The following NKAIN2 variants were observed in gnomAD, a reference collection of about 807,000 sequenced individuals.
NKAIN2 encodes the protein sodium/potassium transporting ATPase interacting 2, also known as sodium/potassium-transporting ATPase subunit beta-1-interacting protein 2.
A neutral mutation model predicts 32.6 loss-of-function variants in NKAIN2; 14 were observed. The observed-to-expected ratio is 0.43, with a 90% CI of 0.28 to 0.67. NKAIN2 has a LOEUF of 0.67. NKAIN2 is among the 30% of genes least tolerant of loss of function. NKAIN2 has a pLI of 0.17. For missense variants in NKAIN2, 198 were observed against 258.3 expected (o/e 0.77, Z 1.60); for synonymous variants, 80 against 87.2 (o/e 0.92, Z 0.46).
intron 1 of NKAIN2, among the ~76,000 whole-genome samples, chr6:124,204,702 G>A (rs1009096295): frequency 1.3e-5 from 2 of 151,678 alleles, no homozygotes; most frequent in African/African-American, 4.8e-5. Flanking sequence ...AATTGTTCAT[G>A]ATTAGATTGC....
chr6:124,618,743 A>T (rs1482252133), intron 3 of NKAIN2, among the ~76,000 whole-genome samples: 1 of 152,204 alleles, frequency 6.6e-6, no homozygotes, highest in Non-Finnish European at 1.5e-5. Flanking sequence ...TTCATAGATT[A>T]TTTTAATGCC....
At chr6:123,848,269 G>C (rs1188393406) in intron 1 of NKAIN2, among the ~76,000 whole-genome samples, 2 of 152,176 alleles carry the variant, frequency 1.3e-5, no homozygotes, top group Non-Finnish European at 2.9e-5. Context: ...AGAATCTGTA[G>C]ACCACTGCCA....
chr6:124,677,968 C>T (rs1773441704), intron 4 of NKAIN2, among the ~76,000 whole-genome samples: 1 of 151,958 alleles, frequency 6.6e-6, no homozygotes, highest in South Asian at 2.1e-4. Context: ...TTTTGAATGA[C>T]AGTTTTGTCA....
chr6:124,408,514 C>T (rs1483385502), intron 3 of NKAIN2, among the ~76,000 whole-genome samples: 20 of 151,988 alleles, frequency 1.3e-4, no homozygotes, highest in East Asian at 3.9e-4. Context: ...TGTAGATATG[C>T]GGCATTATTT....
intron 1 of NKAIN2, among the ~76,000 whole-genome samples, chr6:123,894,071 G>C (rs926250920): frequency 6.6e-6 from 1 of 152,164 alleles, no homozygotes; most frequent in African/African-American, 2.4e-5. Flanking sequence ...AATTAAAAGT[G>C]TTAATGTGTT....
intron 3 of NKAIN2, among the ~76,000 whole-genome samples, chr6:124,483,109 CTG>C (rs1433382898): frequency 2.0e-5 from 3 of 151,248 alleles, no homozygotes; most frequent in Non-Finnish European, 4.4e-5. Context: ...ACGACAGAGA[CTG>C]TGTTTCAAAA....
chr6:124,496,498 G>C (rs1282251374), intron 3 of NKAIN2, among the ~76,000 whole-genome samples: 3 of 152,138 alleles, frequency 2.0e-5, no homozygotes, highest in African/African-American at 7.2e-5. Flanking sequence ...GCAAGGTAGA[G>C]AGGCATAAGT....
chr6:124,407,241 A>G (rs1773902385), intron 3 of NKAIN2, among the ~76,000 whole-genome samples: 2 of 152,072 alleles, frequency 1.3e-5, no homozygotes, highest in South Asian at 4.1e-4. Context: ...CATGTGCACA[A>G]CATGCAGGTT....
chr6:124,565,571 C>T (rs1485935071), intron 3 of NKAIN2, among the ~76,000 whole-genome samples: 2 of 152,126 alleles, frequency 1.3e-5, no homozygotes, highest in East Asian at 3.9e-4. Flanking sequence ...GATTCACTTT[C>T]CCCCTGATTC....
chr6:123,994,555 CT>C (rs1419162622), intron 1 of NKAIN2, among the ~76,000 whole-genome samples: 1 of 152,076 alleles, frequency 6.6e-6, no homozygotes, highest in Non-Finnish European at 1.5e-5. Flanking sequence ...AGTCTCTCCC[CT>C]TCTTCAAGTG....
intron 4 of NKAIN2, among the ~76,000 whole-genome samples, chr6:124,752,641 C>G (rs1777777013): frequency 6.6e-6 from 1 of 151,892 alleles, no homozygotes; most frequent in Admixed American, 6.6e-5. Flanking sequence ...CCACAATTAT[C>G]TGGTTATTAT....
chr6:124,767,418 G>T (rs1778559985), intron 4 of NKAIN2, among the ~76,000 whole-genome samples: 1 of 152,198 alleles, frequency 6.6e-6, no homozygotes, highest in East Asian at 1.9e-4. Flanking sequence ...ATTGTGGTTT[G>T]CCTCCTAATC....
chr6:124,188,121 C>T (rs1349865443), intron 1 of NKAIN2, among the ~76,000 whole-genome samples: 1 of 152,116 alleles, frequency 6.6e-6, no homozygotes, highest in Non-Finnish European at 1.5e-5. Context: ...CGCCACAGTT[C>T]TAGAGCTCAG....
chr6:124,027,361 T>C (rs1781158565), intron 1 of NKAIN2, among the ~76,000 whole-genome samples: 1 of 151,942 alleles, frequency 6.6e-6, no homozygotes, highest in Non-Finnish European at 1.5e-5. Context: ...CGTTCATCTC[T>C]AACTCCTGAC....
At chr6:124,220,454 T>C (rs1015699606) in intron 1 of NKAIN2, among the ~76,000 whole-genome samples, 16 of 75,830 alleles carry the variant, frequency 2.1e-4, no homozygotes, top group African/African-American at 6.7e-4. Flanking sequence ...ACTCTCCTTT[T>C]TTTTCCCTTT....
At chr6:124,607,690 TTATA>T (rs1312222828) in intron 3 of NKAIN2, among the ~76,000 whole-genome samples, 1 of 152,018 alleles carries the variant, frequency 6.6e-6, no homozygotes, top group East Asian at 1.9e-4. Context: ...ATGTGTGTGT[TTATA>T]TATGAATATA....
At chr6:124,741,519 C>T (rs1433820569) in intron 4 of NKAIN2, among the ~76,000 whole-genome samples, 3 of 151,726 alleles carry the variant, frequency 2.0e-5, no homozygotes, top group Non-Finnish European at 4.4e-5. Context: ...CTGACTAACC[C>T]GCTATCAAAA....
chr6:123,881,063 C>T (rs1460256062), intron 1 of NKAIN2, among the ~76,000 whole-genome samples: 1 of 152,134 alleles, frequency 6.6e-6, no homozygotes, highest in African/African-American at 2.4e-5. Context: ...ATTTTGTCAC[C>T]TAGGCTGTTG....
intron 1 of NKAIN2, among the ~76,000 whole-genome samples, chr6:123,902,989 A>C (rs1392136697): frequency 6.6e-6 from 1 of 152,240 alleles, no homozygotes; most frequent in Non-Finnish European, 1.5e-5. Context: ...GGAACTATTG[A>C]AGATCAGCTG....
Sources: allele counts gnomAD v4.1 joint callset (sites outside exome capture counted in the v4.1 genomes callset), GRCh38; gene constraint gnomAD v4.1.1; transcripts MANE v1.5; gene names NCBI Gene and HGNC (gene_info 2026-07-23, HGNC 2026-07-21).